Variants in IFFO2 observed in about 807,000 individuals in gnomAD.
IFFO2 encodes the protein intermediate filament family orphan 2.
In IFFO2, 19 loss-of-function variants were observed where a neutral mutation model predicts 53.5. The observed-to-expected ratio is 0.36, with a 90% CI of 0.25 to 0.52. IFFO2 has a LOEUF of 0.52. Ranked by LOEUF, IFFO2 falls within the 20% of genes least tolerant of loss-of-function variation. The pLI is 0.94. For missense variants in IFFO2, 570 were observed against 727.4 expected, an observed-to-expected ratio of 0.78 and a Z score of 2.49; for synonymous variants, 303 against 313.6, an observed-to-expected ratio of 0.97 and a Z score of 0.36.
rs1936168835 is a variant in IFFO2, at chr1:18,918,510, G to A, written c.823-8C>T. 1 of 1,552,038 alleles carries A rather than the reference G, an allele frequency of 6.4e-7. No individual in the cohort carries two copies. The highest frequency in any genetic ancestry group is 8.7e-7 in the Non-Finnish European group (1 of 1,147,150). Reference sequence around the variant, plus strand: ...GTCCAGGTCTGTCATGGGCTGCAGGGAGGACAGCAGGGTTTACATGAGCGA... The same window carrying A: ...GTCCAGGTCTGTCATGGGCTGCAGGAAGGACAGCAGGGTTTACATGAGCGA... On this transcript the variant is annotated splice_polypyrimidine_tract_variant and splice_region_variant and intron_variant, in intron 3 of 8. Coordinates refer to ENST00000455833, the MANE Select transcript of IFFO2 (RefSeq NM_001136265.2). This position sits in a 1 kb window ranked among gnomAD's most constrained non-coding sequence, Gnocchi z 5.2.
At chr1:18,913,084 C>A (rs1254321545) in intron 5 of IFFO2, among the ~76,000 whole-genome samples, 1 of 152,236 alleles carries the variant, frequency 6.6e-6, no homozygotes, top group Non-Finnish European at 1.5e-5. Context: ...CAGGGCTCTC[C>A]CCATTGCCTG....
rs1012430565 is a variant in IFFO2, at chr1:18,941,154, G to A, written c.665+14514C>T. On this transcript the variant is annotated intron_variant, in intron 1 of 8. Coordinates refer to ENST00000455833, the MANE Select transcript of IFFO2 (RefSeq NM_001136265.2). ...CACAGCCACCTTGCTGGAGTGGTGC[G>A]ATGTTCCAGAGAACACATGTGTGCG... is the stretch of plus-strand genomic sequence containing the variant. Among the ~76,000 whole-genome samples the A allele has an allele frequency of 1.1e-4, 16 of 152,344 alleles. No homozygotes were observed. In the East Asian group the frequency reaches 1.4e-3, roughly 13 times the overall value.
intron 1 of IFFO2, among the ~76,000 whole-genome samples, chr1:18,943,249 T>C (rs1936543753): frequency 6.6e-6 from 1 of 151,908 alleles, no homozygotes. Flanking sequence ...TGTAGTGGTG[T>C]GTGTCTGAAG....
At chr1:18,937,447 G>A (rs1024417030) in intron 1 of IFFO2, among the ~76,000 whole-genome samples, 1 of 152,196 alleles carries the variant, frequency 6.6e-6, no homozygotes, top group Non-Finnish European at 1.5e-5. Context: ...TCCACCTGAT[G>A]TGAACCACTG....
Position 18,919,313 on chromosome 1 carries a change from C to G in IFFO2, c.822+365G>C, listed in dbSNP as rs1265024773. Among the ~76,000 whole-genome samples, 1 of 152,190 alleles carries G rather than the reference C, an allele frequency of 6.6e-6. No individual in the cohort carries two copies. The highest frequency in any genetic ancestry group is 1.5e-5 in the Non-Finnish European group (1 of 68,036). Reference sequence around the variant, plus strand: ...TCAGGCCCGCACAGACCAGACGGCACCTGGCCCAACCTGCCAGACGCCCTG... The same window carrying G: ...TCAGGCCCGCACAGACCAGACGGCAGCTGGCCCAACCTGCCAGACGCCCTG... On this transcript the variant is annotated intron_variant, in intron 3 of 8. Transcript: ENST00000455833. This position sits in a 1 kb window ranked among gnomAD's most constrained non-coding sequence, Gnocchi z 4.9.
intron 1 of IFFO2, 104 bp from the exon 2 acceptor site, chr1:18,921,225 G>A: frequency 9.7e-7 from 1 of 1,033,314 alleles, no homozygotes; most frequent in Non-Finnish European, 1.5e-6. Flanking sequence ...CTTGAGCTGG[G>A]CAAGGAAGGT....
chr1:18,953,622 A>G (rs1936684849), intron 1 of IFFO2, among the ~76,000 whole-genome samples: 1 of 152,162 alleles, frequency 6.6e-6, no homozygotes, highest in African/African-American at 2.4e-5. Context: ...AAAGGAATAT[A>G]CCTGCTTTGG....
At chr1:18,911,641 C>T (rs964992617) in intron 6 of IFFO2, among the ~76,000 whole-genome samples, 165 bp from the exon 7 acceptor site, 16 of 152,040 alleles carry the variant, frequency 1.1e-4, no homozygotes, top group African/African-American at 3.9e-4. Context: ...TGAATTCAAG[C>T]GATTCTCCTG....
intron 1 of IFFO2, among the ~76,000 whole-genome samples, chr1:18,939,596 C>A (rs1256036154): frequency 1.3e-5 from 2 of 152,172 alleles, no homozygotes; most frequent in African/African-American, 4.8e-5. Flanking sequence ...CCAGCCAGAT[C>A]TTTTCTGCAT....
chr1:18,918,818 C>A lies in IFFO2; in HGVS notation c.823-316G>T, dbSNP rs984198532. On this transcript the variant is annotated intron_variant, in intron 3 of 8. Transcript: ENST00000455833. The surrounding 1 kb of genome is among the most constrained non-coding windows in gnomAD (Gnocchi z 5.2). ...TAGAGCGAAGAAAAAAGACAACTCCCGCTGGAGAAAGACAGCCCTTCTTTT... is the reference window on the plus strand; with the variant it reads ...TAGAGCGAAGAAAAAAGACAACTCCAGCTGGAGAAAGACAGCCCTTCTTTT... 6.6e-6 allele frequency among the ~76,000 whole-genome samples: 1 copy of A among 152,242 alleles called. No homozygotes were observed. Among genetic ancestry groups the A allele is most frequent in the African/African-American group, 2.4e-5 (1 of 41,534 alleles).
Position 18,956,116 on chromosome 1 carries a change from C to T in IFFO2, c.217G>A (p.Glu73Lys), listed in dbSNP as rs920276600. ...RFRCFLAKVH[E>K]LERRNRLLEK... The stretch of plus-strand genomic sequence containing the variant: ...AGCAGCCGGTTGCGCCGCTCCAGCT[C>T]GTGCACCTTAGCCAGGAAGCAGCGG... Residue 73 changes from glutamate (E) to lysine (K), a missense_variant, in exon 1 of 9, where the codon GAG becomes AAG. Physicochemically the swap from Glu to Lys is moderately conservative, Grantham distance 56. Transcript: ENST00000455833. The surrounding 1 kb of genome is among the most constrained non-coding windows in gnomAD (Gnocchi z 6.4). 6.6e-7 allele frequency: 1 copy of T among 1,508,332 alleles called. No homozygotes were observed. The highest frequency in any genetic ancestry group is 8.9e-7 in the Non-Finnish European group (1 of 1,121,484). The allele number at this position is 1,508,332 out of a possible 1,614,324, so 93.4% of individuals were successfully genotyped here. A position where few individuals can be genotyped will look rare whatever the true frequency, so the allele number is the denominator to read the frequency against.
intron 1 of IFFO2, among the ~76,000 whole-genome samples, chr1:18,926,658 T>G (rs1182014386): frequency 6.6e-6 from 1 of 152,142 alleles, no homozygotes; most frequent in East Asian, 1.9e-4. Context: ...TCTGCTGGCC[T>G]CTGGGGAAAA....
rs1935968498 is a variant in IFFO2, at chr1:18,907,476, G to A, written c.*1085C>T. ...GCCGGACAGTCCTAACCCAAGGCGG[G>A]TAGAAGGGAGCAGAGACCAGGCCTG... On this transcript the variant is annotated 3_prime_UTR_variant, in exon 9 of 9. Coordinates refer to ENST00000455833, the MANE Select transcript of IFFO2 (RefSeq NM_001136265.2). 1 of 152,356 alleles carries A rather than the reference G, an allele frequency of 6.6e-6. No individual in the cohort carries two copies. Among genetic ancestry groups the A allele is most frequent in the African/African-American group, 2.4e-5 (1 of 41,468 alleles). The allele number at this position is 152,356 out of a possible 1,614,324, so 9.4% of individuals were successfully genotyped here. A position where few individuals can be genotyped will look rare whatever the true frequency, so the allele number is the denominator to read the frequency against.
intron 1 of IFFO2, among the ~76,000 whole-genome samples, chr1:18,941,988 G>C (rs1416437450): frequency 6.6e-6 from 1 of 152,260 alleles, no homozygotes. Flanking sequence ...GTCTGCTCGA[G>C]AAGAGAGGGG....
rs553751147 is a variant in IFFO2, at chr1:18,917,790, C to A, written c.963+572G>T. Among the ~76,000 whole-genome samples the A allele has an allele frequency of 6.6e-6, 1 of 152,168 alleles. No individual in the cohort carries two copies. The highest frequency in any genetic ancestry group is 2.4e-5 in the African/African-American group (1 of 41,512). On this transcript the variant is annotated intron_variant, in intron 4 of 8. Transcript: ENST00000455833. The surrounding 1 kb of genome is among the most constrained non-coding windows in gnomAD (Gnocchi z 5.9). The stretch of plus-strand genomic sequence containing the variant: ...CCTCTCTGGAAGACAGCCTCACTGG[C>A]GCTAACCTGATCGCCGTCTCTCGGG...
chr1:18,930,649 C>G (rs987340564), intron 1 of IFFO2, among the ~76,000 whole-genome samples: 2 of 152,198 alleles, frequency 1.3e-5, no homozygotes, highest in African/African-American at 4.8e-5. Context: ...GCAGGAGAGC[C>G]CAGCTGGTCT....
At position 18,910,369 on chromosome 1, in the gene IFFO2, C is replaced by T. The variant is rs545636532; in HGVS notation, c.1421G>A (p.Arg474His). The change falls in exon 8 of 9, where the codon CGC becomes CAC. Residue 474 changes from arginine to histidine, a missense_variant. Coordinates refer to ENST00000455833, the MANE Select transcript of IFFO2 (RefSeq NM_001136265.2). ...RGLDVQMETCRRLIKGSADRN... is the reference protein window; with the variant it reads ...RGLDVQMETCHRLIKGSADRN... ...GTCTGCGGAGCCTTTGATGAGCCGG[C>T]GGCAGGTCTCCATCTGCACGTCCAG... 3.7e-6 allele frequency: 6 copies of T among 1,612,782 alleles called. No individual in the cohort carries two copies. Among genetic ancestry groups the T allele is most frequent in the African/African-American group, 1.3e-5 (1 of 74,890 alleles).
intron 5 of IFFO2, among the ~76,000 whole-genome samples, chr1:18,915,901 G>T (rs1407076273): frequency 6.6e-6 from 1 of 151,906 alleles, no homozygotes; most frequent in Non-Finnish European, 1.5e-5. Context: ...GAGGTAGGCA[G>T]ATCACTGGAG....
In IFFO2 at chr1:18,956,075, C is replaced by A; in HGVS notation, c.258G>T (p.Glu86Asp). ...RRNRLLEKQL[E>D]QQQSERERRL... is the part of the protein sequence containing the mutation. ...GCCGCTCGCGCTCGCTCTGCTGCTG[C>A]TCCAGCTGCTTCTCCAGCAGCCGGT... The change falls in exon 1 of 9, where the codon GAG (glutamate) becomes GAT (aspartate). Residue 86 changes from glutamate (E) to aspartate (D), a missense_variant. Physicochemically the swap from Glu to Asp is conservative, Grantham distance 45. Transcript: ENST00000455833. The surrounding 1 kb of genome is among the most constrained non-coding windows in gnomAD (Gnocchi z 6.4). 1 of 1,490,692 alleles carries A rather than the reference C, an allele frequency of 6.7e-7. No homozygotes were observed. 92.3% of individuals were successfully genotyped at this position (1,490,692 alleles called of 1,614,324 possible).
Sources: gnomAD v4.1 joint callset for allele counts (sites outside exome capture counted in the v4.1 genomes callset) on GRCh38, gnomAD v4.1.1 for gene constraint, Gnocchi (gnomAD v3.1) non-coding constraint, MANE v1.5 for transcripts, NCBI Gene and HGNC (gene_info 2026-07-23, HGNC 2026-07-21) for gene names.